EXOC6B: variants seen among roughly 807,000 people sequenced by gnomAD.
EXOC6B encodes the protein exocyst complex component 6B, also known as SEC15 homolog B.
Under a neutral mutation model 113.5 loss-of-function variants are expected in EXOC6B, and 54 were observed. That is an observed-to-expected ratio of 0.48 (90% CI 0.38 to 0.60). EXOC6B has a LOEUF of 0.60. Among genes scored for constraint, EXOC6B ranks in the 20% least tolerant of loss-of-function variants. The pLI, the probability that EXOC6B is intolerant of heterozygous loss-of-function variation, is 0.00. For synonymous variants in EXOC6B, 357 were observed against 339.0 expected (o/e 1.05, Z -0.58); for missense variants, 797 against 977.5 (o/e 0.82, Z 2.46).
rs1694436408 is a variant in EXOC6B at position 72,415,032 on chromosome 2, G to A, written c.1981-35162C>T. Among the ~76,000 whole-genome samples the A allele has an allele frequency of 2.6e-5, 4 of 152,088 alleles. No individual in the cohort carries two copies. The South Asian group carries it at 8.3e-4, about 32-fold the overall frequency. On this transcript the variant is annotated intron_variant, in intron 18 of 21. Transcript: ENST00000272427. The stretch of plus-strand genomic sequence containing the variant: ...GTTGATAGTAAGTACTCTTCTGTCA[G>A]TTATTGGGTAGAAATATTTATGCTA...
chr2:72,601,648 G>A (rs1187757549), intron 6 of EXOC6B, among the ~76,000 whole-genome samples: 1 of 152,034 alleles, frequency 6.6e-6, no homozygotes, highest in Non-Finnish European at 1.5e-5. Flanking sequence ...CTTACCATAT[G>A]ATCCACCAAT....
intron 20 of EXOC6B, among the ~76,000 whole-genome samples, chr2:72,272,552 T>A (rs1406155817): frequency 6.6e-6 from 1 of 152,128 alleles, no homozygotes; most frequent in South Asian, 2.1e-4. Context: ...TACTTAACCT[T>A]GGTGTGCCGT....
intron 1 of EXOC6B, among the ~76,000 whole-genome samples, chr2:72,794,467 G>GA (rs369753284): frequency 1.8e-3 from 272 of 151,300 alleles, no homozygotes; most frequent in South Asian, 0.016. Flanking sequence ...GAAATAAACA[G>GA]AAAAAAAAAT....
intron 2 of EXOC6B, among the ~76,000 whole-genome samples, chr2:72,735,911 G>A (rs1225634701): frequency 1.3e-5 from 2 of 151,732 alleles, no homozygotes; most frequent in African/African-American, 2.4e-5. Flanking sequence ...AAGGCCAGGC[G>A]CAGTGGCTCA....
chr2:72,490,504 T>A (rs1163049964), intron 16 of EXOC6B, among the ~76,000 whole-genome samples: 1 of 152,152 alleles, frequency 6.6e-6, no homozygotes, highest in Non-Finnish European at 1.5e-5. Context: ...AGGTAGGTAG[T>A]ATAATTATTC....
chr2:72,671,432 A>G (rs776126538), intron 6 of EXOC6B, among the ~76,000 whole-genome samples: 3 of 152,130 alleles, frequency 2.0e-5, no homozygotes, highest in Non-Finnish European at 4.4e-5. Flanking sequence ...CTGTGGCTCA[A>G]GCCTGTAATC....
chr2:72,314,172 T>C (rs970767226), intron 20 of EXOC6B, among the ~76,000 whole-genome samples: 1 of 152,214 alleles, frequency 6.6e-6, no homozygotes, highest in African/African-American at 2.4e-5. Context: ...ATCCAAAATA[T>C]TGTATTCCTG....
chr2:72,252,475 A>AAAAC lies in EXOC6B; in HGVS notation c.2197-68292_2197-68289dup, dbSNP rs532885036. ...GTGACAGAGTGAGACTCTGTCACAA[A>AAAAC]AAACAAACAAACAAACAAACAAACA... On this transcript the variant is annotated intron_variant, in intron 20 of 21. Coordinates refer to ENST00000272427, the MANE Select transcript of EXOC6B (RefSeq NM_015189.3). Among the ~76,000 whole-genome samples, 602 of 152,254 alleles carry AAAAC rather than the reference A, an allele frequency of 4.0e-3. 3 individuals are homozygous for AAAAC. Among genetic ancestry groups the AAAAC allele is most frequent in the South Asian group, 8.3e-3 (40 of 4,820 alleles).
chr2:72,505,690 T>C (rs1167340686), intron 11 of EXOC6B, among the ~76,000 whole-genome samples: 1 of 152,158 alleles, frequency 6.6e-6, no homozygotes, highest in Non-Finnish European at 1.5e-5. Flanking sequence ...GGTTCATTTT[T>C]ACCTAGGTCT....
chr2:72,465,143 A>AAG lies in EXOC6B; in HGVS notation c.1980+15_1980+16dup, dbSNP rs5832083. On this transcript the variant is annotated intron_variant, in intron 18 of 21. Transcript: ENST00000272427. ...TCTTTTTATATATAAAGGACAAAGT[A>AAG]AGCAACTGCCACTTACAGGAAGGTG... The AAG allele has an allele frequency of 1, 1,589,827 of 1,596,602 alleles. 791,570 individuals are homozygous for AAG. Among genetic ancestry groups the AAG allele is most frequent in the East Asian group, 1 (44,173 of 44,174 alleles).
chr2:72,372,071 A>G (rs66539158), intron 19 of EXOC6B, among the ~76,000 whole-genome samples: 29,335 of 152,064 alleles, frequency 0.19, 5,131 homozygotes, highest in African/African-American at 0.47. Context: ...CCCCTTTATA[A>G]TAGCCACAAA....
At chr2:72,773,448 C>CA (rs758534897) in intron 1 of EXOC6B, among the ~76,000 whole-genome samples, 1,853 of 80,550 alleles carry the variant, frequency 0.023, 10 homozygotes, top group African/African-American at 0.041. Context: ...GTTTTCTCAC[C>CA]AAAAAAAAAA....
At chr2:72,369,589 T>C (rs1351514851) in intron 19 of EXOC6B, among the ~76,000 whole-genome samples, 1 of 152,188 alleles carries the variant, frequency 6.6e-6, no homozygotes, top group Non-Finnish European at 1.5e-5. Flanking sequence ...GTTGGAGGCA[T>C]CATGCTACCT....
chr2:72,218,086 T>C (rs1329297808), intron 20 of EXOC6B, among the ~76,000 whole-genome samples: 2 of 152,120 alleles, frequency 1.3e-5, no homozygotes, highest in Non-Finnish European at 2.9e-5. Context: ...CCCATGCTAT[T>C]AGGGGAGATG....
chr2:72,793,065 T>C (rs970079717), intron 1 of EXOC6B, among the ~76,000 whole-genome samples: 4 of 152,210 alleles, frequency 2.6e-5, no homozygotes, highest in African/African-American at 4.8e-5. Context: ...TGTATGAACA[T>C]ACTATAATTT....
Position 72,228,180 on chromosome 2 carries a change from T to C in EXOC6B, c.2197-43993A>G, listed in dbSNP as rs1021987449. ...GGGGCTGATGAGGTATGGTAGGACA[T>C]GGAGTTGACATCACTTGATAATGCA... On this transcript the variant is annotated intron_variant, in intron 20 of 21. Coordinates refer to ENST00000272427, the MANE Select transcript of EXOC6B (RefSeq NM_015189.3). 5.9e-5 allele frequency among the ~76,000 whole-genome samples: 9 copies of C among 152,276 alleles called. 1 individual carries two copies. Among genetic ancestry groups the C allele is most frequent in the Non-Finnish European group, 1.0e-4 (7 of 68,022 alleles).
chr2:72,274,260 A>C (rs1003601764), intron 20 of EXOC6B, among the ~76,000 whole-genome samples: 1 of 152,200 alleles, frequency 6.6e-6, no homozygotes, highest in East Asian at 1.9e-4. Context: ...GAAGTCCAAC[A>C]AAATCTAAAC....
intron 6 of EXOC6B, among the ~76,000 whole-genome samples, chr2:72,688,729 T>A (rs1677270241): frequency 6.6e-6 from 1 of 152,224 alleles, no homozygotes; most frequent in African/African-American, 2.4e-5. Context: ...TCCACCATGA[T>A]AACTGAGCTA....
chr2:72,184,233 A>G, intron 20 of EXOC6B, 46 bp from the exon 21 acceptor site: 3 of 973,438 alleles, frequency 3.1e-6, no homozygotes, highest in Non-Finnish European at 4.8e-6. Flanking sequence ...CAGACAGACA[A>G]GACAAACCAA....
Sources: allele counts gnomAD v4.1 joint callset (sites outside exome capture counted in the v4.1 genomes callset), GRCh38; gene constraint gnomAD v4.1.1; transcripts MANE v1.5; gene names NCBI Gene and HGNC (gene_info 2026-07-23, HGNC 2026-07-21).